The following GRIK1 variants were observed in gnomAD, a reference collection of about 807,000 sequenced individuals.
GRIK1 encodes glutamate receptor ionotropic, kainate 1.
A neutral mutation model predicts 105.7 loss-of-function variants in GRIK1; 69 were observed. That is an observed-to-expected ratio of 0.65 (90% CI 0.54 to 0.80). The LOEUF is 0.80. Among genes scored for constraint, GRIK1 ranks in the 30% least tolerant of loss-of-function variants. GRIK1 has a pLI of 0.00. For missense variants in GRIK1, 1,109 were observed against 1,167.3 expected (o/e 0.95, Z 0.73); for synonymous variants, 438 against 431.3 (o/e 1.02, Z -0.19).
chr21:29,924,101 A>G (rs1348771837), intron 1 of GRIK1, among the ~76,000 whole-genome samples: 4 of 152,218 alleles, frequency 2.6e-5, no homozygotes, highest in Middle Eastern at 3.4e-3. Context: ...GCACTTTGGG[A>G]GGCCGAGATG....
In GRIK1 at chr21:29,925,361, C is replaced by T. The variant is rs184993254; in HGVS notation, c.118+14022G>A. Among the ~76,000 whole-genome samples, 356 of 152,232 alleles carry T rather than the reference C, an allele frequency of 2.3e-3. 1 individual carries two copies. Among genetic ancestry groups the T allele is most frequent in the African/African-American group, 8.0e-3 (333 of 41,536 alleles). On this transcript the variant is annotated intron_variant, in intron 1 of 17. Transcript: ENST00000327783. ...CACTTTTGGCATCTTTTCAGGGAAACGCACCTGCCTTAATCTTGCTTCACC... is the reference window on the plus strand; with the variant it reads ...CACTTTTGGCATCTTTTCAGGGAAATGCACCTGCCTTAATCTTGCTTCACC...
rs1055925501 is a variant in GRIK1 at position 29,680,923 on chromosome 21, A to T, written c.545-7759T>A. The stretch of plus-strand genomic sequence containing the variant: ...GCCGAGGCAGGTGGATCACGAGGTC[A>T]GGAGTTCGGGACCAGCCTGACCGAC... On this transcript the variant is annotated intron_variant, in intron 3 of 17. Coordinates refer to ENST00000327783, the MANE Select transcript of GRIK1 (RefSeq NM_001330994.2). Among the ~76,000 whole-genome samples, 15 of 152,224 alleles carry T rather than the reference A, an allele frequency of 9.9e-5. 1 individual carries two copies. Among genetic ancestry groups the T allele is most frequent in the African/African-American group, 3.6e-4 (15 of 41,452 alleles).
chr21:29,539,503 G>A (rs540394058), intron 16 of GRIK1, among the ~76,000 whole-genome samples: 5 of 152,242 alleles, frequency 3.3e-5, no homozygotes, highest in South Asian at 4.1e-4. Context: ...TATCACTTCC[G>A]TTCCACTGCA....
intron 7 of GRIK1, among the ~76,000 whole-genome samples, chr21:29,632,450 A>T (rs1401376752): frequency 1.3e-5 from 2 of 152,194 alleles, no homozygotes; most frequent in African/African-American, 4.8e-5. Flanking sequence ...CAACTTAGAT[A>T]TAATTCAAAC....
chr21:29,688,061 C>T (rs1372811035), intron 3 of GRIK1, among the ~76,000 whole-genome samples: 2 of 152,176 alleles, frequency 1.3e-5, no homozygotes, highest in African/African-American at 2.4e-5. Context: ...TATTCTTTTT[C>T]AAAGCCCTTT....
intron 2 of GRIK1, among the ~76,000 whole-genome samples, chr21:29,690,851 C>A (rs2063571655): frequency 6.6e-6 from 1 of 152,072 alleles, no homozygotes; most frequent in South Asian, 2.1e-4. Flanking sequence ...GGAATAATAT[C>A]TATTAATATT....
chr21:29,741,579 T>C (rs2064930635), intron 1 of GRIK1, among the ~76,000 whole-genome samples: 1 of 152,190 alleles, frequency 6.6e-6, no homozygotes, highest in Admixed American at 6.5e-5. Context: ...ATCATATTGA[T>C]AAAAAATAAC....
chr21:29,724,840 C>T (rs941043659), intron 1 of GRIK1, among the ~76,000 whole-genome samples: 2 of 151,924 alleles, frequency 1.3e-5, no homozygotes, highest in Admixed American at 6.6e-5. Flanking sequence ...CTTTTCTTAG[C>T]GTATGTTTTA....
chr21:29,934,531 G>T lies in GRIK1; in HGVS notation c.118+4852C>A, dbSNP rs116448235. ...TACTAAGCTGAAATCAAATATAAGA[G>T]AAATGAACTCTTGCTTTTAGTTATT... On this transcript the variant is annotated intron_variant, in intron 1 of 17. Coordinates refer to ENST00000327783, the MANE Select transcript of GRIK1 (RefSeq NM_001330994.2). Among the ~76,000 whole-genome samples the T allele has an allele frequency of 2.3e-3, 343 of 152,242 alleles. 2 individuals carry two copies. Among genetic ancestry groups the T allele is most frequent in the African/African-American group, 8.0e-3 (332 of 41,552 alleles).
chr21:29,605,378 C>T (rs1255607993), intron 7 of GRIK1, among the ~76,000 whole-genome samples: 1 of 152,118 alleles, frequency 6.6e-6, no homozygotes, highest in Non-Finnish European at 1.5e-5. Flanking sequence ...CATCCATGTC[C>T]CTGCAAAGGA....
Position 29,590,456 on chromosome 21 carries a change from TAGG to T in GRIK1, c.1365+653_1365+655del, listed in dbSNP as rs369003946. Among the ~76,000 whole-genome samples, 737 of 152,176 alleles carry T rather than the reference TAGG, an allele frequency of 4.8e-3. 3 individuals are homozygous for T. The highest frequency in any genetic ancestry group is 0.017 in the African/African-American group (708 of 41,532). On this transcript the variant is annotated intron_variant, in intron 10 of 17. Transcript: ENST00000327783. Reference sequence around the variant, plus strand: ...GGATGGGGCATGACCAGGGCACTAATAGGAGGCAGGACTTTCAAGAACAGTTAG... The same window carrying T: ...GGATGGGGCATGACCAGGGCACTAATAGGCAGGACTTTCAAGAACAGTTAG...
chr21:29,569,234 G>C (rs760018721), intron 14 of GRIK1, among the ~76,000 whole-genome samples: 1 of 152,252 alleles, frequency 6.6e-6, no homozygotes, highest in South Asian at 2.1e-4. Flanking sequence ...ATAGCTAGAG[G>C]TAAGGGTTGA....
chr21:29,801,765 A>G (rs1200991273), intron 1 of GRIK1, among the ~76,000 whole-genome samples: 2 of 152,216 alleles, frequency 1.3e-5, no homozygotes, highest in African/African-American at 2.4e-5. Context: ...TTAAAGAAAT[A>G]CTGTTCTTCT....
At position 29,939,792 on chromosome 21, in the gene GRIK1, C is replaced by A; in HGVS notation, c.-292G>T. ...GATCAGCGCTCTCTGGCTCCCGGAG[C>A]CCAGAGACCAGCTGAGGAAAGTTGC... On this transcript the variant is annotated 5_prime_UTR_variant, in exon 1 of 18. Transcript: ENST00000327783. 3.3e-6 allele frequency: 1 copy of A among 306,838 alleles called. No individual in the cohort carries two copies. The highest frequency in any genetic ancestry group is 6.0e-6 in the Non-Finnish European group (1 of 167,542). 19.0% of individuals were successfully genotyped at this position (306,838 alleles called of 1,614,324 possible).
chr21:29,936,556 C>G (rs1347992224), intron 1 of GRIK1, among the ~76,000 whole-genome samples: 1 of 152,150 alleles, frequency 6.6e-6, no homozygotes, highest in African/African-American at 2.4e-5. Flanking sequence ...TCCCAGCAAC[C>G]AGCTATATTT....
At chr21:29,548,792 T>G (rs995531738) in intron 16 of GRIK1, among the ~76,000 whole-genome samples, 3 of 152,228 alleles carry the variant, frequency 2.0e-5, no homozygotes, top group African/African-American at 4.8e-5. Context: ...TATAATCATA[T>G]GATCCAGCTG....
chr21:29,915,428 T>A (rs2070961968), intron 1 of GRIK1, among the ~76,000 whole-genome samples: 1 of 152,038 alleles, frequency 6.6e-6, no homozygotes, highest in Non-Finnish European at 1.5e-5. Flanking sequence ...ATTCATCAAT[T>A]ATTTATTGAG....
chr21:29,612,875 C>G (rs1478917871), intron 7 of GRIK1, among the ~76,000 whole-genome samples: 1 of 152,170 alleles, frequency 6.6e-6, no homozygotes, highest in Non-Finnish European at 1.5e-5. Flanking sequence ...AAACAAGACA[C>G]TTTCAGCATA....
chr21:29,812,334 G>A (rs377219520), intron 1 of GRIK1, among the ~76,000 whole-genome samples: 61 of 152,080 alleles, frequency 4.0e-4, no homozygotes, highest in Admixed American at 1.0e-3. Flanking sequence ...TAGATTACCA[G>A]CCAAATACCT....
Sources: allele counts gnomAD v4.1 joint callset (sites outside exome capture counted in the v4.1 genomes callset), GRCh38; gene constraint gnomAD v4.1.1; transcripts MANE v1.5; gene names NCBI Gene and HGNC (gene_info 2026-07-23, HGNC 2026-07-21).